The following EYS variants were observed in gnomAD, a reference collection of about 807,000 sequenced individuals.
EYS encodes protein eyes shut homolog.
A neutral mutation model predicts 282.1 loss-of-function variants in EYS; 250 were observed. The observed-to-expected ratio is 0.89, with a 90% CI of 0.80 to 0.98. The LOEUF is 0.98. EYS is among the 50% of genes least tolerant of loss of function. EYS has a pLI of 0.00. For missense variants in EYS, 4,016 were observed against 3,709.0 expected, an observed-to-expected ratio of 1.08 and a Z score of -2.15; for synonymous variants, 1,355 against 1,282.9, an observed-to-expected ratio of 1.06 and a Z score of -1.20.
At chr6:64,621,993 T>C (rs1434621871) in intron 23 of EYS, among the ~76,000 whole-genome samples, 1 of 152,156 alleles carries the variant, frequency 6.6e-6, no homozygotes, top group Non-Finnish European at 1.5e-5. Context: ...AGTGTGTTTC[T>C]ATTTCTATAA....
At chr6:64,343,110 G>A (rs934058840) in intron 29 of EYS, among the ~76,000 whole-genome samples, 103 of 152,178 alleles carry the variant, frequency 6.8e-4, no homozygotes, top group African/African-American at 2.3e-3. Context: ...AATAATGGGA[G>A]ACTTTAACAC....
intron 12 of EYS, among the ~76,000 whole-genome samples, chr6:65,197,838 G>A (rs1231272421): frequency 6.6e-6 from 1 of 152,078 alleles, no homozygotes; most frequent in Non-Finnish European, 1.5e-5. Flanking sequence ...GTTGCTCTGG[G>A]TAAGTCACTG....
chr6:65,258,846 T>A (rs1767541242), intron 12 of EYS, among the ~76,000 whole-genome samples: 1 of 152,000 alleles, frequency 6.6e-6, no homozygotes, highest in Admixed American at 6.6e-5. Context: ...TTAACTAAAA[T>A]TGGTAAAGCA....
chr6:64,751,876 T>A (rs1244599081), intron 22 of EYS, among the ~76,000 whole-genome samples: 1 of 152,120 alleles, frequency 6.6e-6, no homozygotes, highest in Non-Finnish European at 1.5e-5. Context: ...CACAAGGCTA[T>A]CTGTAACCAA....
At chr6:64,784,088 A>T (rs1478916718) in intron 22 of EYS, among the ~76,000 whole-genome samples, 3 of 152,144 alleles carry the variant, frequency 2.0e-5, no homozygotes, top group Admixed American at 6.5e-5. Context: ...GATTAACATC[A>T]ACTATCCCAA....
In EYS at chr6:64,342,828, A is replaced by G. The variant is rs1283434598; in HGVS notation, c.6079-35746T>C. Among the ~76,000 whole-genome samples, 9 of 152,296 alleles carry G rather than the reference A, an allele frequency of 5.9e-5. No homozygotes were observed. The East Asian group carries it at 1.7e-3, about 29-fold the overall frequency. On this transcript the variant is annotated intron_variant, in intron 29 of 42. Transcript: ENST00000503581. ...GGAAACCCATCTCACGTGCAGAGACACACATAGACTCAAAATAAAGGGATG... is the reference window on the plus strand; with the variant it reads ...GGAAACCCATCTCACGTGCAGAGACGCACATAGACTCAAAATAAAGGGATG...
At chr6:64,796,209 T>C (rs1258068366) in intron 22 of EYS, among the ~76,000 whole-genome samples, 2 of 152,192 alleles carry the variant, frequency 1.3e-5, no homozygotes, top group Non-Finnish European at 2.9e-5. Context: ...AAGATTATGC[T>C]TTTTACATGG....
intron 12 of EYS, among the ~76,000 whole-genome samples, chr6:65,198,346 T>A (rs1186322049): frequency 6.6e-6 from 1 of 152,102 alleles, no homozygotes; most frequent in Non-Finnish European, 1.5e-5. Context: ...TTGTTATAAA[T>A]AACTAGAAAG....
intron 2 of EYS, among the ~76,000 whole-genome samples, chr6:65,555,228 A>G (rs1486739607): frequency 6.6e-6 from 1 of 152,146 alleles, no homozygotes; most frequent in East Asian, 1.9e-4. Context: ...ACCATGAAAT[A>G]AACTAATTCA....
In EYS at chr6:65,234,514, A is replaced by G. The variant is rs187889148; in HGVS notation, c.2023+61349T>C. Among the ~76,000 whole-genome samples, 10 of 152,302 alleles carry G rather than the reference A, an allele frequency of 6.6e-5. No individual in the cohort carries two copies. The East Asian group carries it at 1.5e-3, about 24-fold the overall frequency. On this transcript the variant is annotated intron_variant, in intron 12 of 42. Transcript: ENST00000503581. ...ATGTAGCCTTTGGAGCTCTAATTGA[A>G]GATCACCATCATTTCTACAGCATTA...
intron 14 of EYS, among the ~76,000 whole-genome samples, chr6:64,954,721 A>C (rs758977373): frequency 9.2e-5 from 14 of 152,204 alleles, no homozygotes; most frequent in African/African-American, 1.4e-4. Context: ...AAGATGGTGG[A>C]ATAGAAAGCT....
chr6:63,755,985 C>T (rs966828631), intron 41 of EYS, among the ~76,000 whole-genome samples: 1 of 152,132 alleles, frequency 6.6e-6, no homozygotes, highest in East Asian at 1.9e-4. Flanking sequence ...ATCTTGTATC[C>T]TGAGACTTTG....
chr6:65,235,412 A>AATG (rs982529609), intron 12 of EYS, among the ~76,000 whole-genome samples: 8 of 152,026 alleles, frequency 5.3e-5, no homozygotes, highest in African/African-American at 1.9e-4. Flanking sequence ...TAAACTGCAT[A>AATG]AGACACAATA....
intron 33 of EYS, among the ~76,000 whole-genome samples, chr6:64,056,635 A>G (rs559643593): frequency 6.6e-6 from 1 of 152,144 alleles, no homozygotes; most frequent in Non-Finnish European, 1.5e-5. Flanking sequence ...CACTGCTATT[A>G]CCACGCAAAC....
At chr6:63,796,689 A>T (rs551296961) in intron 37 of EYS, among the ~76,000 whole-genome samples, 16 of 152,330 alleles carry the variant, frequency 1.1e-4, no homozygotes, top group Non-Finnish European at 2.2e-4. Context: ...TAGTACAAGG[A>T]CATGAGCGTG....
At chr6:65,651,817 C>T (rs1767659407) in intron 1 of EYS, among the ~76,000 whole-genome samples, 1 of 151,886 alleles carries the variant, frequency 6.6e-6, no homozygotes, top group African/African-American at 2.4e-5. Flanking sequence ...TCTCTTTAAT[C>T]CAAGGTATAT....
At chr6:63,764,330 GAATT>G (rs1213346594) in intron 40 of EYS, among the ~76,000 whole-genome samples, 15 of 151,850 alleles carry the variant, frequency 9.9e-5, no homozygotes, top group Admixed American at 5.9e-4. Flanking sequence ...ACAAAATACA[GAATT>G]AATCTGCTAC....
At chr6:64,661,041 A>G (rs1490484335) in intron 22 of EYS, among the ~76,000 whole-genome samples, 11 of 152,216 alleles carry the variant, frequency 7.2e-5, no homozygotes, top group Non-Finnish European at 2.9e-5. Context: ...AAACAGAGAT[A>G]TAGACCAATG....
At chr6:64,092,539 A>G (rs1258991196) in intron 31 of EYS, among the ~76,000 whole-genome samples, 2 of 152,174 alleles carry the variant, frequency 1.3e-5, no homozygotes, top group African/African-American at 2.4e-5. Context: ...TTTTGGCTGC[A>G]TAAATGTCTT....
Sources: allele counts gnomAD v4.1 joint callset (sites outside exome capture counted in the v4.1 genomes callset), GRCh38; gene constraint gnomAD v4.1.1; transcripts MANE v1.5; gene names NCBI Gene and HGNC (gene_info 2026-07-23, HGNC 2026-07-21).